The following NAT1 variants were observed in gnomAD, a reference collection of about 807,000 sequenced individuals.
The protein encoded by NAT1 is arylamine N-acetyltransferase 1.
For missense variants in NAT1, 400 were observed against 339.2 expected, an observed-to-expected ratio of 1.18 and a Z score of -1.41; for synonymous variants, 144 against 122.6, an observed-to-expected ratio of 1.17 and a Z score of -1.16.
intron 1 of NAT1, chr8:18,170,520 T>C (rs1436444356): frequency 6.6e-6 from 1 of 152,214 alleles, no homozygotes; most frequent in Non-Finnish European, 1.5e-5. Context: ...AGTCTCTTTA[T>C]GTCATTGCTT....
rs545354537 is a variant in NAT1, at chr8:18,191,651, T to C, written n.93-18130T>C. ...ACTGGTACCAAAACAGAGATATAGA[T>C]CGATGGAACAGAACAGAGCCCTCAG... On this transcript the variant is annotated intron_variant and non_coding_transcript_variant, in intron 2 of 4. Transcript: ENST00000517441. 2.9e-3 allele frequency among the ~76,000 whole-genome samples: 444 copies of C among 152,100 alleles called. 1 individual carries two copies. Among genetic ancestry groups the C allele is most frequent in the Non-Finnish European group, 5.5e-3 (377 of 67,986 alleles).
At chr8:18,178,338 A>G (rs903906011) in intron 2 of NAT1, among the ~76,000 whole-genome samples, 1 of 152,184 alleles carries the variant, frequency 6.6e-6, no homozygotes, top group Non-Finnish European at 1.5e-5. Flanking sequence ...GCTACTGAAC[A>G]TAAGTCAAAA....
intron 2 of NAT1, among the ~76,000 whole-genome samples, chr8:18,193,387 G>C (rs1000708573): frequency 3.3e-5 from 5 of 149,522 alleles, no homozygotes; most frequent in African/African-American, 4.9e-5. Flanking sequence ...AGCCTGGGAG[G>C]CAGGGGTTGC....
upstream of NAT1, among the ~76,000 whole-genome samples, chr8:18,206,352 T>C (rs1468228072): frequency 6.6e-6 from 1 of 152,180 alleles, no homozygotes; most frequent in Non-Finnish European, 1.5e-5. Context: ...TCTAGGAGTA[T>C]ACCAGTCATC....
chr8:18,181,172 TC>T (rs1164856806), intron 2 of NAT1, among the ~76,000 whole-genome samples: 1 of 152,218 alleles, frequency 6.6e-6, no homozygotes, highest in Non-Finnish European at 1.5e-5. Context: ...CTCTTCAGTT[TC>T]CTTCATCAAT....
intron 2 of NAT1, among the ~76,000 whole-genome samples, chr8:18,219,877 G>A (rs978783189): frequency 2.0e-5 from 3 of 152,108 alleles, no homozygotes; most frequent in Non-Finnish European, 4.4e-5. Flanking sequence ...GGGGAAGGGT[G>A]GAGGGAGGGG....
At chr8:18,215,507 G>T (rs1220895074) in intron 1 of NAT1, among the ~76,000 whole-genome samples, 1 of 152,060 alleles carries the variant, frequency 6.6e-6, no homozygotes, top group Non-Finnish European at 1.5e-5. Flanking sequence ...TCCTTAATTA[G>T]TATTCTAAGG....
intron 2 of NAT1, among the ~76,000 whole-genome samples, chr8:18,182,327 T>A (rs532937661): frequency 9.2e-5 from 14 of 152,356 alleles, no homozygotes; most frequent in African/African-American, 3.4e-4. Flanking sequence ...AGTCTTTTTT[T>A]ATAATTAATG....
chr8:18,198,946 C>G (rs903020188), intron 2 of NAT1, among the ~76,000 whole-genome samples: 2 of 152,158 alleles, frequency 1.3e-5, no homozygotes, highest in South Asian at 4.2e-4. Flanking sequence ...AGCTGATATT[C>G]AGGATATAGT....
intron 2 of NAT1, among the ~76,000 whole-genome samples, chr8:18,189,968 A>C (rs746046887): frequency 4.0e-5 from 6 of 151,882 alleles, no homozygotes; most frequent in Non-Finnish European, 8.8e-5. Flanking sequence ...TTTTGTATTT[A>C]TAGTAGAGAT....
At chr8:18,215,315 G>A (rs781487369) in intron 1 of NAT1, among the ~76,000 whole-genome samples, 9 of 152,250 alleles carry the variant, frequency 5.9e-5, no homozygotes, top group Non-Finnish European at 1.3e-4. Flanking sequence ...AATTGTCTTT[G>A]CATTGGCTTG....
At chr8:18,204,779 A>G (rs1803637610) in intron 2 of NAT1, among the ~76,000 whole-genome samples, 1 of 152,262 alleles carries the variant, frequency 6.6e-6, no homozygotes, top group Non-Finnish European at 1.5e-5. Flanking sequence ...TACAAAGTGT[A>G]TAAAAAAAGT....
At chr8:18,183,925 T>C (rs917020722) in intron 2 of NAT1, among the ~76,000 whole-genome samples, 1 of 152,170 alleles carries the variant, frequency 6.6e-6, no homozygotes, top group Non-Finnish European at 1.5e-5. Flanking sequence ...CCTGCCCCTA[T>C]GACTTTGCTG....
In NAT1 at chr8:18,222,174, C is replaced by T. The variant is rs747595397; in HGVS notation, c.127C>T (p.His43Tyr). Reference sequence around the variant, plus strand: ...TGTTCCCTTTGAGAACCTTAACATCCATTGTGGGGATGCCATGGACTTAGG... The same window carrying T: ...TGTTCCCTTTGAGAACCTTAACATCTATTGTGGGGATGCCATGGACTTAGG... The part of the protein sequence containing the change: ...RAVPFENLNI[H>Y]CGDAMDLGLE... Residue 43 changes from histidine to tyrosine, a missense_variant, in exon 3 of 3, where the codon CAT (histidine) becomes TAT (tyrosine). Transcript: ENST00000307719. 1 of 1,614,090 alleles carries T rather than the reference C, an allele frequency of 6.2e-7. No individual in the cohort carries two copies. Among genetic ancestry groups the T allele is most frequent in the South Asian group, 1.1e-5 (1 of 91,076 alleles).
intron 2 of NAT1, among the ~76,000 whole-genome samples, chr8:18,173,429 T>C (rs965388450): frequency 1.5e-4 from 23 of 152,174 alleles, no homozygotes; most frequent in Admixed American, 1.4e-3. Flanking sequence ...CTCCAACATA[T>C]CACTACACAG....
At chr8:18,170,627 T>C (rs1802061080) in intron 1 of NAT1, 1 of 152,202 alleles carries the variant, frequency 6.6e-6, no homozygotes, top group African/African-American at 2.4e-5. Flanking sequence ...ATCCTTTTCT[T>C]GCTCAAATAA....
At position 18,222,770 on chromosome 8, in the gene NAT1, T is replaced by C. The variant is rs375989454; in HGVS notation, c.723T>C (p.His241=). The part of the protein sequence containing the change: ...VHCLVGFTLT[H]RRFNYKDNTD... ...GTTTGGTGGGCTTCACCCTCACCCA[T>C]AGGAGATTCAATTATAAGGACAATA... Residue 241 remains histidine, a synonymous_variant, in exon 3 of 3, where the codon CAT becomes CAC. Transcript: ENST00000307719. 1.9e-6 allele frequency: 3 copies of C among 1,613,532 alleles called. No individual in the cohort carries two copies. The highest frequency in any genetic ancestry group is 1.1e-5 in the South Asian group (1 of 90,956).
chr8:18,170,754 G>T (rs1272566778), intron 2 of NAT1: 1 of 152,184 alleles, frequency 6.6e-6, no homozygotes, highest in African/African-American at 2.4e-5. Flanking sequence ...GTGCCCTCCA[G>T]GGCCCATTGA....
intron 2 of NAT1, among the ~76,000 whole-genome samples, chr8:18,191,378 C>G (rs1344064247): frequency 6.6e-6 from 1 of 152,112 alleles, no homozygotes; most frequent in Admixed American, 6.5e-5. Context: ...TGTATACAAG[C>G]CTGTTTCTTT....
Sources: gnomAD v4.1 joint callset for allele counts (sites outside exome capture counted in the v4.1 genomes callset) on GRCh38, gnomAD v4.1.1 for gene constraint, MANE v1.5 for transcripts, NCBI Gene and HGNC (gene_info 2026-07-23, HGNC 2026-07-21) for gene names.